The following FAM171A1 variants were observed in gnomAD, a reference collection of about 807,000 sequenced individuals.
The protein encoded by FAM171A1 is family with sequence similarity 171 member A1, also known as protein FAM171A1.
FAM171A1 carries 23 observed loss-of-function variants against 74.9 expected under a neutral mutation model. That is an observed-to-expected ratio of 0.31 (90% CI 0.22 to 0.44). The LOEUF (loss-of-function observed/expected upper bound fraction) is 0.44. FAM171A1 is among the 20% of genes least tolerant of loss of function. FAM171A1 has a pLI of 1.00. For synonymous variants in FAM171A1, 527 were observed against 505.7 expected (o/e 1.04, Z -0.57); for missense variants, 1,162 against 1,159.2 (o/e 1.00, Z -0.03).
intron 1 of FAM171A1, among the ~76,000 whole-genome samples, chr10:15,325,931 T>G (rs980145820): frequency 6.6e-6 from 1 of 152,196 alleles, no homozygotes; most frequent in Non-Finnish European, 1.5e-5. Context: ...TTCAGACTCT[T>G]ACTTGTAAAC....
At chr10:15,288,590 T>C (rs923114452) in intron 1 of FAM171A1, among the ~76,000 whole-genome samples, 1 of 152,186 alleles carries the variant, frequency 6.6e-6, no homozygotes, top group African/African-American at 2.4e-5. Flanking sequence ...CACTGTTTGC[T>C]AAGAAGGCAA....
chr10:15,219,695 C>T (rs749363282), intron 6 of FAM171A1, among the ~76,000 whole-genome samples: 5 of 152,230 alleles, frequency 3.3e-5, no homozygotes, highest in Non-Finnish European at 7.3e-5. Flanking sequence ...GATTCTCCTG[C>T]CTCAGCCTCC....
intron 1 of FAM171A1, among the ~76,000 whole-genome samples, chr10:15,311,671 C>G (rs1835360918): frequency 6.6e-6 from 1 of 152,100 alleles, no homozygotes; most frequent in African/African-American, 2.4e-5. Context: ...GCCGCCCCAC[C>G]CCACCTGGGA....
At chr10:15,251,338 C>T (rs913575389) in intron 4 of FAM171A1, among the ~76,000 whole-genome samples, 2 of 152,032 alleles carry the variant, frequency 1.3e-5, no homozygotes, top group Non-Finnish European at 2.9e-5. Context: ...TCATTAAATG[C>T]CTGCTTCTCT....
chr10:15,253,394 T>G (rs1230075551), intron 4 of FAM171A1, among the ~76,000 whole-genome samples: 2 of 152,148 alleles, frequency 1.3e-5, no homozygotes, highest in Non-Finnish European at 2.9e-5. Flanking sequence ...TTCCTAATAA[T>G]GTTTACTTAA....
chr10:15,242,113 G>A (rs1205358488), intron 5 of FAM171A1, among the ~76,000 whole-genome samples: 4 of 152,078 alleles, frequency 2.6e-5, no homozygotes, highest in Non-Finnish European at 5.9e-5. Flanking sequence ...ATCGATTACT[G>A]TAATCATAAA....
At chr10:15,339,705 T>C (rs569618457) in intron 1 of FAM171A1, among the ~76,000 whole-genome samples, 5 of 152,272 alleles carry the variant, frequency 3.3e-5, no homozygotes, top group African/African-American at 9.6e-5. Flanking sequence ...TTCCCACCTT[T>C]GTCAGGAAGG....
chr10:15,271,636 G>A (rs185790114), intron 3 of FAM171A1, among the ~76,000 whole-genome samples: 1 of 152,194 alleles, frequency 6.6e-6, no homozygotes, highest in Non-Finnish European at 1.5e-5. Flanking sequence ...CAGAGACAAA[G>A]GTCGGATTAC....
intron 4 of FAM171A1, among the ~76,000 whole-genome samples, chr10:15,254,250 C>T (rs1263798824): frequency 1.3e-5 from 2 of 152,164 alleles, no homozygotes; most frequent in African/African-American, 4.8e-5. Flanking sequence ...TTGGACCAAG[C>T]ACCACCTCTT....
At chr10:15,355,544 C>T (rs1835922708) in intron 1 of FAM171A1, among the ~76,000 whole-genome samples, 1 of 151,942 alleles carries the variant, frequency 6.6e-6, no homozygotes, top group Non-Finnish European at 1.5e-5. Context: ...TTGGTGAAAC[C>T]CTCTCTCTAC....
Position 15,237,772 on chromosome 10 carries a change from C to T in FAM171A1, c.754+10867G>A, listed in dbSNP as rs566283794. The stretch of plus-strand genomic sequence containing the variant: ...CAATCGCTTTTTTTTTTTGCAGGTA[C>T]ATTACCCCCTTTTCCCCTACCGGTC... On this transcript the variant is annotated intron_variant, in intron 5 of 7. Coordinates refer to ENST00000378116, the MANE Select transcript of FAM171A1 (RefSeq NM_001010924.2). The T allele has an allele frequency of 4.7e-5, 4 of 85,046 alleles. No individual in the cohort carries two copies. The South Asian group carries it at 1.8e-3, about 39-fold the overall frequency. 5.3% of individuals were successfully genotyped at this position (85,046 alleles called of 1,614,324 possible). A position where few individuals can be genotyped will look rare whatever the true frequency, so the allele number is the denominator to read the frequency against.
chr10:15,256,670 G>T (rs1040483198), intron 3 of FAM171A1, among the ~76,000 whole-genome samples: 1 of 152,162 alleles, frequency 6.6e-6, no homozygotes, highest in South Asian at 2.1e-4. Context: ...TAACATTATT[G>T]TATTCTTCTT....
intron 1 of FAM171A1, among the ~76,000 whole-genome samples, chr10:15,295,257 C>T (rs1835147484): frequency 6.6e-6 from 1 of 152,100 alleles, no homozygotes; most frequent in Non-Finnish European, 1.5e-5. Flanking sequence ...TGTTTTTAAT[C>T]CCCACTTTGT....
chr10:15,347,362 T>C (rs901761495), intron 1 of FAM171A1, among the ~76,000 whole-genome samples: 3 of 152,176 alleles, frequency 2.0e-5, no homozygotes, highest in East Asian at 3.8e-4. Flanking sequence ...GCAGTTTTCA[T>C]TGGGTCGGAA....
At chr10:15,321,995 T>G (rs980397109) in intron 1 of FAM171A1, among the ~76,000 whole-genome samples, 1 of 152,250 alleles carries the variant, frequency 6.6e-6, no homozygotes, top group Non-Finnish European at 1.5e-5. Flanking sequence ...TTATGTGCCA[T>G]GGTGCTACAT....
intron 1 of FAM171A1, among the ~76,000 whole-genome samples, chr10:15,347,630 G>C: frequency 6.6e-6 from 1 of 151,922 alleles, no homozygotes; most frequent in East Asian, 1.9e-4. Context: ...AAAGTCAAGA[G>C]ATGGAGACCA....
chr10:15,331,859 G>GTATATATATATATA (rs1835639494), intron 1 of FAM171A1, among the ~76,000 whole-genome samples: 1 of 44,954 alleles, frequency 2.2e-5, no homozygotes, highest in Non-Finnish European at 4.2e-5. Flanking sequence ...ATATATGTGT[G>GTATATATATATATA]TATATATATG....
chr10:15,274,018 T>G (rs975020572), intron 3 of FAM171A1, among the ~76,000 whole-genome samples: 1 of 152,160 alleles, frequency 6.6e-6, no homozygotes, highest in Non-Finnish European at 1.5e-5. Context: ...CAACATAGTG[T>G]TGGAAGTTCT....
At chr10:15,248,962 C>T (rs1253567088) in intron 4 of FAM171A1, 147 bp from the exon 5 acceptor site, 5 of 667,060 alleles carry the variant, frequency 7.5e-6, no homozygotes, top group Non-Finnish European at 1.2e-5. Flanking sequence ...ATCCTCACCA[C>T]AACCCAGTAA....
Sources: allele counts gnomAD v4.1 joint callset (sites outside exome capture counted in the v4.1 genomes callset), GRCh38; gene constraint gnomAD v4.1.1; transcripts MANE v1.5; gene names NCBI Gene and HGNC (gene_info 2026-07-23, HGNC 2026-07-21).